Variants in SYN3 observed in about 807,000 individuals in gnomAD.
SYN3 encodes synapsin III.
A neutral mutation model predicts 65.8 loss-of-function variants in SYN3; 35 were observed. The observed-to-expected ratio is 0.53, with a 90% CI of 0.41 to 0.70. The LOEUF is 0.70. SYN3 is among the 30% of genes least tolerant of loss of function. The probability of loss-of-function intolerance (pLI) is 0.00; values close to 1 mark genes in which losing one functional copy is unlikely to be tolerated. For missense variants in SYN3, 680 were observed against 749.0 expected (o/e 0.91, Z 1.08); for synonymous variants, 270 against 292.9 (o/e 0.92, Z 0.80).
chr22:32,516,305 T>G (rs1007637325), intron 13 of SYN3, among the ~76,000 whole-genome samples: 4 of 152,154 alleles, frequency 2.6e-5, no homozygotes, highest in Non-Finnish European at 4.4e-5. Context: ...AAGCGTTGGA[T>G]GAGAATGGGG....
chr22:32,837,977 G>A lies in SYN3; in HGVS notation c.711+26938C>T, dbSNP rs1407903804. On this transcript the variant is annotated intron_variant, in intron 6 of 13. Transcript: ENST00000358763. This position sits in a 1 kb window ranked among gnomAD's most constrained non-coding sequence, Gnocchi z 4.1. ...TCTCTTTCTCTTAACTGTCTCTAGT[G>A]ATTCTCTGATCCCAGCTCAGGCAGG... 1.3e-5 allele frequency among the ~76,000 whole-genome samples: 2 copies of A among 152,188 alleles called. No homozygotes were observed. The highest frequency in any genetic ancestry group is 2.9e-5 in the Non-Finnish European group (2 of 68,026).
intron 9 of SYN3, among the ~76,000 whole-genome samples, chr22:32,536,821 C>T (rs891518056): frequency 6.6e-6 from 1 of 152,154 alleles, no homozygotes; most frequent in Non-Finnish European, 1.5e-5. Flanking sequence ...AGAGGAGGAG[C>T]CTTAAGGCCT....
chr22:32,602,609 G>A lies in SYN3; in HGVS notation c.712-5873C>T, dbSNP rs530549237. The stretch of plus-strand genomic sequence containing the variant: ...CCTGAGTAGCTGGGATTACAGGCAC[G>A]AGCCACCATGCCCAGCTAATTTTTG... On this transcript the variant is annotated intron_variant, in intron 6 of 13. Coordinates refer to ENST00000358763, the MANE Select transcript of SYN3 (RefSeq NM_003490.4). Among the ~76,000 whole-genome samples, 88 of 151,930 alleles carry A rather than the reference G, an allele frequency of 5.8e-4. No homozygotes were observed. The South Asian group carries it at 0.017, about 29-fold the overall frequency.
At chr22:32,655,078 G>C (rs1451222038) in intron 6 of SYN3, among the ~76,000 whole-genome samples, 3 of 152,186 alleles carry the variant, frequency 2.0e-5, no homozygotes, top group Non-Finnish European at 4.4e-5. Context: ...AAATTTATAT[G>C]TTGTAGCTTA....
intron 4 of SYN3, among the ~76,000 whole-genome samples, chr22:32,873,091 C>T (rs577317556): frequency 3.4e-4 from 52 of 152,228 alleles, no homozygotes; most frequent in African/African-American, 1.2e-3. Context: ...GCTGGGATTA[C>T]AGGCACGTGC....
At chr22:33,036,855 C>G (rs974969596) in intron 1 of SYN3, among the ~76,000 whole-genome samples, 3 of 152,008 alleles carry the variant, frequency 2.0e-5, no homozygotes, top group Admixed American at 2.0e-4. Context: ...CCACACCAGG[C>G]TAATTTTGTA....
chr22:32,940,132 T>G (rs1244635149), intron 3 of SYN3, among the ~76,000 whole-genome samples: 1 of 152,244 alleles, frequency 6.6e-6, no homozygotes, highest in Non-Finnish European at 1.5e-5. Context: ...TTTCATGTGC[T>G]AATTAACAAT....
chr22:32,566,149 T>G (rs993822851), intron 7 of SYN3, among the ~76,000 whole-genome samples: 7 of 152,146 alleles, frequency 4.6e-5, no homozygotes, highest in Non-Finnish European at 7.3e-5. Flanking sequence ...GGCCAGGGTA[T>G]TTTGTTTAAC....
intron 6 of SYN3, among the ~76,000 whole-genome samples, chr22:32,829,113 G>A (rs949184793): frequency 7.2e-5 from 11 of 152,058 alleles, no homozygotes; most frequent in African/African-American, 2.4e-4. Flanking sequence ...TGAAGAAGAC[G>A]GGCAGAGATG....
intron 3 of SYN3, among the ~76,000 whole-genome samples, chr22:32,965,878 T>C (rs1245515827): frequency 6.6e-6 from 1 of 152,116 alleles, no homozygotes; most frequent in Non-Finnish European, 1.5e-5. Flanking sequence ...GTATTTTTAG[T>C]AGAGACGGGG....
chr22:32,589,986 C>T (rs1419377465), intron 7 of SYN3, among the ~76,000 whole-genome samples: 2 of 152,090 alleles, frequency 1.3e-5, no homozygotes, highest in East Asian at 3.9e-4. Flanking sequence ...GAGTGAATTA[C>T]ATTTTTAAAA....
At chr22:32,579,541 A>G (rs1025769532) in intron 7 of SYN3, among the ~76,000 whole-genome samples, 3 of 152,188 alleles carry the variant, frequency 2.0e-5, no homozygotes, top group Admixed American at 6.5e-5. Context: ...TCTTAATACT[A>G]TCACATTGGG....
rs574617150 is a variant in SYN3 at position 32,749,310 on chromosome 22, C to A, written c.711+115605G>T. Among the ~76,000 whole-genome samples the A allele has an allele frequency of 2.3e-5, 3 of 129,764 alleles. No homozygotes were observed. The South Asian group carries it at 8.3e-4, about 36-fold the overall frequency. The allele number at this position is 129,764 out of a possible 152,430, so 85.1% of individuals were successfully genotyped here. A position where few individuals can be genotyped will look rare whatever the true frequency, so the allele number is the denominator to read the frequency against. On this transcript the variant is annotated intron_variant, in intron 6 of 13. Transcript: ENST00000358763. ...CACCTCCCAAAGCCCCCCCCCCACC[C>A]CAAAATACACACACAAATCCATTAC...
chr22:32,622,241 A>G (rs2059605690), intron 6 of SYN3, among the ~76,000 whole-genome samples: 1 of 151,494 alleles, frequency 6.6e-6, no homozygotes, highest in Non-Finnish European at 1.5e-5. Context: ...TGTCTCCCCA[A>G]CCCTGACCTC....
At chr22:32,795,026 G>T (rs1463541039) in intron 6 of SYN3, among the ~76,000 whole-genome samples, 1 of 152,174 alleles carries the variant, frequency 6.6e-6, no homozygotes, top group Middle Eastern at 3.2e-3. Flanking sequence ...AACTGCAGGG[G>T]CAGCCATCTC....
At chr22:32,938,019 T>C (rs1421059587) in intron 3 of SYN3, among the ~76,000 whole-genome samples, 1 of 151,950 alleles carries the variant, frequency 6.6e-6, no homozygotes, top group African/African-American at 2.4e-5. Context: ...ACAAGTTCAA[T>C]GAATCATAAG....
chr22:32,975,540 C>A (rs1349657414), intron 3 of SYN3, among the ~76,000 whole-genome samples: 2 of 152,144 alleles, frequency 1.3e-5, no homozygotes, highest in African/African-American at 4.8e-5. Flanking sequence ...AGCAGTCCTG[C>A]CTGGGCCTCC....
intron 6 of SYN3, among the ~76,000 whole-genome samples, chr22:32,773,438 C>T (rs956480417): frequency 4.2e-5 from 6 of 141,874 alleles, no homozygotes; most frequent in Middle Eastern, 3.8e-3. Flanking sequence ...AAAAAAAGAA[C>T]GCAACAGTGA....
At chr22:33,055,954 A>G (rs551919406) in intron 1 of SYN3, among the ~76,000 whole-genome samples, 24 of 152,336 alleles carry the variant, frequency 1.6e-4, no homozygotes, top group African/African-American at 5.5e-4. Flanking sequence ...TCAATCCACC[A>G]ATGAAAGCAC....
Sources: gnomAD v4.1 joint callset for allele counts (sites outside exome capture counted in the v4.1 genomes callset) on GRCh38, gnomAD v4.1.1 for gene constraint, Gnocchi (gnomAD v3.1) non-coding constraint, MANE v1.5 for transcripts, NCBI Gene and HGNC (gene_info 2026-07-23, HGNC 2026-07-21) for gene names.